The following HEXB variants were observed in gnomAD, a reference collection of about 807,000 sequenced individuals.
HEXB encodes hexosaminidase subunit beta, also known as beta-hexosaminidase subunit beta.
Under a neutral mutation model 71.2 loss-of-function variants are expected in HEXB, and 51 were observed. The ratio of observed to expected loss-of-function variants is 0.72; its 90% CI spans 0.57 to 0.90. HEXB has a LOEUF of 0.90. Ranked by LOEUF, HEXB falls within the 40% of genes least tolerant of loss-of-function variation. The pLI is 0.00. For missense variants in HEXB, 617 were observed against 677.0 expected, an observed-to-expected ratio of 0.91 and a Z score of 0.98; for synonymous variants, 266 against 249.3, an observed-to-expected ratio of 1.07 and a Z score of -0.63.
At chr5:74,681,587 T>G (rs1208237091), upstream of HEXB, among the ~76,000 whole-genome samples, 1 of 152,200 alleles carries the variant, frequency 6.6e-6, no homozygotes, top group Non-Finnish European at 1.5e-5. Flanking sequence ...CATGAGTATG[T>G]TAATATTGTT....
At chr5:74,720,218 G>T (rs553435312) in intron 11 of HEXB, 2 of 598,376 alleles carry the variant, frequency 3.3e-6, no homozygotes, top group Non-Finnish European at 6.0e-6. Context: ...CAGGGCTGGG[G>T]ATAAAGTTTG....
upstream of HEXB, among the ~76,000 whole-genome samples, chr5:74,684,627 G>A (rs972793030): frequency 6.6e-6 from 1 of 151,962 alleles, no homozygotes; most frequent in Non-Finnish European, 1.5e-5. Flanking sequence ...ACCCGGTGTC[G>A]GCCTGGCGTC....
At chr5:74,721,075 A>G in intron 13 of HEXB, 43 bp from the exon 14 acceptor site, 1 of 1,394,254 alleles carries the variant, frequency 7.2e-7, no homozygotes, top group African/African-American at 1.5e-5. Flanking sequence ...GAATGATATC[A>G]ATCTAAATCA....
At chr5:74,689,665 A>G in intron 2 of HEXB, 192 bp downstream of exon 2, 1 of 613,682 alleles carries the variant, frequency 1.6e-6, no homozygotes, top group Non-Finnish European at 2.9e-6. Context: ...TATTAAGTAC[A>G]GTAAGTGCAG....
rs375883763 is a variant in HEXB at position 74,651,571 on chromosome 5, T to A, written c.-377+11013T>A. On this transcript the variant is annotated intron_variant, in intron 1 of 13. Transcript: ENST00000511181. ...AGAATATTTTGCTTAATCAGTTTCA[T>A]TGGATGCCTCAAGAAATAGGACCAC... 4.6e-5 allele frequency among the ~76,000 whole-genome samples: 7 copies of A among 152,324 alleles called. No homozygotes were observed. The East Asian group carries it at 1.3e-3, about 29-fold the overall frequency.
Position 74,685,443 on chromosome 5 carries a change from C to T in HEXB, c.183C>T (p.Leu61=), listed in dbSNP as rs1163328393. 2 of 1,611,144 alleles carry T rather than the reference C, an allele frequency of 1.2e-6. No homozygotes were observed. Among genetic ancestry groups the T allele is most frequent in the East Asian group, 2.2e-5 (1 of 44,710 alleles). ...GGCCGGCGCTGTGGCCCCTGCCGCT[C>T]TTGGTGAAGATGACCCCGAACCTGC... The part of the protein sequence containing the change: ...KPGPALWPLP[L]LVKMTPNLLH... Residue 61 remains leucine, a synonymous_variant, in exon 1 of 14, where the codon CTC becomes CTT. Coordinates refer to ENST00000261416, the MANE Select transcript of HEXB (RefSeq NM_000521.4).
intron 1 of HEXB, among the ~76,000 whole-genome samples, chr5:74,663,377 G>T (rs538716803): frequency 1.3e-5 from 2 of 152,198 alleles, no homozygotes; most frequent in Admixed American, 1.3e-4. Context: ...TTTTAGTAGA[G>T]ACAGGGTTTT....
At position 74,641,798 on chromosome 5, in the gene HEXB, A is replaced by G. The variant is rs941458250; in HGVS notation, c.-377+1240A>G. Among the ~76,000 whole-genome samples, 2 of 152,104 alleles carry G rather than the reference A, an allele frequency of 1.3e-5. No homozygotes were observed. Among genetic ancestry groups the G allele is most frequent in the Non-Finnish European group, 2.9e-5 (2 of 68,000 alleles). On this transcript the variant is annotated intron_variant, in intron 1 of 13. Transcript: ENST00000511181. This position sits in a 1 kb window ranked among gnomAD's most constrained non-coding sequence, Gnocchi z 4.1. ...TTAAAATATCTGTCTTTTATTCGGTATTTGGAGCTAAGTCTATAAATGAAC... is the reference window on the plus strand; with the variant it reads ...TTAAAATATCTGTCTTTTATTCGGTGTTTGGAGCTAAGTCTATAAATGAAC...
At chr5:74,695,482 C>T (rs1325579685) in intron 3 of HEXB, among the ~76,000 whole-genome samples, 2 of 150,362 alleles carry the variant, frequency 1.3e-5, no homozygotes, top group East Asian at 2.0e-4. Flanking sequence ...GGATTACAGG[C>T]GTGAGCCACT....
chr5:74,720,731 C>A lies in HEXB; in HGVS notation c.1597C>A (p.Arg533Ser). The change falls in exon 13 of 14, where the codon CGC (arginine) becomes AGC (serine). Residue 533 changes from arginine (R) to serine (S), a missense_variant. Transcript: ENST00000261416. ...CGCCTATGACAGACTGACAAGGCACCGCTGCAGGATGGTCGAGTAAGAAAT... is the reference window on the plus strand; with the variant it reads ...CGCCTATGACAGACTGACAAGGCACAGCTGCAGGATGGTCGAGTAAGAAAT... ...DDAYDRLTRH[R>S]CRMVERGIAA... The A allele has an allele frequency of 6.2e-7, 1 of 1,613,348 alleles. No individual in the cohort carries two copies. The highest frequency in any genetic ancestry group is 8.5e-7 in the Non-Finnish European group (1 of 1,179,332).
chr5:74,657,201 G>T (rs1342976301), intron 1 of HEXB, among the ~76,000 whole-genome samples: 1 of 151,974 alleles, frequency 6.6e-6, no homozygotes, highest in Non-Finnish European at 1.5e-5. Context: ...CCCTCCAGTG[G>T]CTTCCATCTC....
chr5:74,672,569 T>A (rs1466998601), intron 1 of HEXB, among the ~76,000 whole-genome samples: 1 of 152,132 alleles, frequency 6.6e-6, no homozygotes, highest in Non-Finnish European at 1.5e-5. Context: ...ACATTCTCTC[T>A]CACGAAGACA....
chr5:74,720,427 G>A lies in HEXB; in HGVS notation c.1418-1G>A. 6.3e-7 allele frequency: 1 copy of A among 1,594,800 alleles called. No homozygotes were observed. The highest frequency in any genetic ancestry group is 8.6e-7 in the Non-Finnish European group (1 of 1,162,500). Reference sequence around the variant, plus strand: ...AACTTAATTCAATGATTTTAATTTAGGTACTCAGAAACAGAAACAACTTTT... The same window carrying A: ...AACTTAATTCAATGATTTTAATTTAAGTACTCAGAAACAGAAACAACTTTT... On this transcript the variant is annotated splice_acceptor_variant, in intron 11 of 13. Transcript: ENST00000261416. LOFTEE classifies it high-confidence loss of function.
At chr5:74,687,822 C>G (rs1748907738) in intron 1 of HEXB, among the ~76,000 whole-genome samples, 1 of 152,126 alleles carries the variant, frequency 6.6e-6, no homozygotes, top group Non-Finnish European at 1.5e-5. Flanking sequence ...ACACCTACAT[C>G]CATTCCATTC....
rs1298568097 is a variant in HEXB at position 74,656,382 on chromosome 5, G to A, written c.-377+15824G>A. Among the ~76,000 whole-genome samples the A allele has an allele frequency of 2.6e-5, 4 of 152,032 alleles. No homozygotes were observed. The East Asian group carries it at 5.8e-4, about 22-fold the overall frequency. ...TAATCCCAGCTACTCAGGAGGCTGA[G>A]GCAAGAGAATCACTTGAACCCGGGA... On this transcript the variant is annotated intron_variant, in intron 1 of 13. Transcript: ENST00000511181.
rs145499677 is a variant in HEXB at position 74,662,164 on chromosome 5, C to CTT, written c.-377+21615_-377+21616dup. ...CAGAGAAAACCACCATGATTTTAAG[C>CTT]TTTTTTTTTTCAGTCTTTGTGCTGT... On this transcript the variant is annotated intron_variant, in intron 1 of 13. Transcript: ENST00000511181. 6.4e-3 allele frequency among the ~76,000 whole-genome samples: 954 copies of CTT among 148,830 alleles called. 9 individuals carry two copies. The highest frequency in any genetic ancestry group is 0.022 in the African/African-American group (910 of 40,588).
intron 13 of HEXB, 38 bp from the exon 14 acceptor site, chr5:74,721,080 A>AAATC (rs377347587): frequency 6.8e-7 from 1 of 1,475,382 alleles, no homozygotes; most frequent in Admixed American, 1.7e-5. Context: ...ATATCAATCT[A>AAATC]AATCAATCTA....
At position 74,685,373 on chromosome 5, in the gene HEXB, AG is replaced by A. The variant is rs398123443; in HGVS notation, c.115del (p.Val39TrpfsTer25). On this transcript the variant is annotated frameshift_variant, in exon 1 of 14. Coordinates refer to ENST00000261416, the MANE Select transcript of HEXB (RefSeq NM_000521.4). LOFTEE classifies it high-confidence loss of function. ...ALLTQVALVVQVAEAARAPSV... is the reference protein window; with the variant it reads ...ALLTQVALVVXVAEAARAPSV... ...CTGACTCAGGTGGCGCTGGTGGTGC[AG>A]GTGGCGGAGGCGGCTCGGGCCCCGA... 5.5e-5 allele frequency: 88 copies of A among 1,588,856 alleles called. No individual in the cohort carries two copies. The highest frequency in any genetic ancestry group is 7.2e-5 in the Non-Finnish European group (84 of 1,169,548).
rs565719355 is a variant in HEXB at position 74,702,374 on chromosome 5, G to A, written c.670-2845G>A. Among the ~76,000 whole-genome samples, 7 of 152,198 alleles carry A rather than the reference G, an allele frequency of 4.6e-5. No homozygotes were observed. The South Asian group carries it at 8.3e-4, about 18-fold the overall frequency. On this transcript the variant is annotated intron_variant, in intron 5 of 13. Transcript: ENST00000261416. ...ATTACAGGCGTGAGCCACCGCGCCC[G>A]GCCTCCTTGTCTTTTAAGACCATGA...
Sources: gnomAD v4.1 joint callset for allele counts (sites outside exome capture counted in the v4.1 genomes callset) on GRCh38, gnomAD v4.1.1 for gene constraint, Gnocchi (gnomAD v3.1) non-coding constraint, MANE v1.5 for transcripts, NCBI Gene and HGNC (gene_info 2026-07-23, HGNC 2026-07-21) for gene names.